PARG: variants seen among roughly 807,000 people sequenced by gnomAD.
The protein encoded by PARG is poly(ADP-ribose) glycohydrolase, also known as mitochondrial poly(ADP-ribose) glycohydrolase.
PARG carries 35 observed loss-of-function variants against 113.0 expected under a neutral mutation model. The ratio of observed to expected loss-of-function variants is 0.31; its 90% CI spans 0.24 to 0.41. The LOEUF is 0.41. Among genes scored for constraint, PARG ranks in the 10% least tolerant of loss-of-function variants. The pLI is 1.00. For missense variants in PARG, 797 were observed against 1,169.4 expected, an observed-to-expected ratio of 0.68 and a Z score of 4.64; for synonymous variants, 330 against 409.9, an observed-to-expected ratio of 0.81 and a Z score of 2.36.
chr10:49,839,076 C>T (rs1327790149), intron 15 of PARG, among the ~76,000 whole-genome samples: 1 of 152,182 alleles, frequency 6.6e-6, no homozygotes, highest in Non-Finnish European at 1.5e-5. Context: ...GTGGCTCACG[C>T]CTGTAATCCC....
At chr10:49,855,142 GA>G (rs1223325370) in intron 13 of PARG, among the ~76,000 whole-genome samples, 1 of 146,198 alleles carries the variant, frequency 6.8e-6, no homozygotes, top group Non-Finnish European at 1.5e-5. Context: ...CTCAAATAGA[GA>G]ATATTAATAA....
chr10:49,832,335 C>T (rs2132399279), intron 16 of PARG, among the ~76,000 whole-genome samples: 1 of 152,344 alleles, frequency 6.6e-6, no homozygotes, highest in East Asian at 1.9e-4. Flanking sequence ...TACTGCCTCT[C>T]TCTCATACAC....
intron 7 of PARG, among the ~76,000 whole-genome samples, chr10:49,890,158 T>TA (rs1554841202): frequency 1.3e-5 from 2 of 152,112 alleles, no homozygotes; most frequent in African/African-American, 2.4e-5. Flanking sequence ...TACATGATGG[T>TA]AAAAAAAGAA....
At chr10:49,892,238 A>C (rs1847843598) in intron 7 of PARG, among the ~76,000 whole-genome samples, 1 of 152,296 alleles carries the variant, frequency 6.6e-6, no homozygotes, top group East Asian at 1.9e-4. Context: ...ATGTTTTTTA[A>C]AATGTCATGT....
intron 4 of PARG, among the ~76,000 whole-genome samples, chr10:49,930,464 C>A (rs1247934976): frequency 5.3e-5 from 8 of 152,138 alleles, no homozygotes; most frequent in Admixed American, 2.0e-4. Flanking sequence ...TGGTTCCTGG[C>A]ACTTGAAGCC....
chr10:49,835,602 A>T (rs1259460666), intron 15 of PARG, among the ~76,000 whole-genome samples: 1 of 152,074 alleles, frequency 6.6e-6, no homozygotes, highest in Non-Finnish European at 1.5e-5. Context: ...ACCAACCAGG[A>T]CATGGTAATG....
At chr10:49,897,472 C>A (rs1471331757) in intron 7 of PARG, among the ~76,000 whole-genome samples, 1 of 152,084 alleles carries the variant, frequency 6.6e-6, no homozygotes, top group Non-Finnish European at 1.5e-5. Context: ...ACACTTACTG[C>A]GGTTATTACA....
At chr10:49,834,822 A>C (rs1174068098) in intron 15 of PARG, among the ~76,000 whole-genome samples, 1 of 152,208 alleles carries the variant, frequency 6.6e-6, no homozygotes, top group Non-Finnish European at 1.5e-5. Flanking sequence ...CCTGGGTGAC[A>C]GTGAACTCTA....
chr10:49,858,364 C>A (rs1588906526), intron 12 of PARG, among the ~76,000 whole-genome samples: 1 of 145,018 alleles, frequency 6.9e-6, no homozygotes, highest in Non-Finnish European at 1.5e-5. Context: ...CACACACACA[C>A]ACACACAACT....
chr10:49,917,484 G>A (rs1414233932), intron 6 of PARG, among the ~76,000 whole-genome samples: 12 of 121,768 alleles, frequency 9.9e-5, no homozygotes, highest in South Asian at 5.4e-4. Context: ...GCGAGACTCC[G>A]TCTCAAAAAA....
chr10:49,849,772 A>C (rs1392886653), intron 13 of PARG, among the ~76,000 whole-genome samples: 1 of 152,018 alleles, frequency 6.6e-6, no homozygotes, highest in East Asian at 1.9e-4. Flanking sequence ...CAGCACTTTG[A>C]GAGGCCGAGG....
intron 13 of PARG, among the ~76,000 whole-genome samples, chr10:49,854,355 T>G (rs1845889721): frequency 6.6e-6 from 1 of 152,146 alleles, no homozygotes; most frequent in Non-Finnish European, 1.5e-5. Context: ...CTTTTGAGGG[T>G]TTGATGAAAA....
chr10:49,830,588 C>T (rs1489144747), intron 16 of PARG, among the ~76,000 whole-genome samples: 1 of 152,136 alleles, frequency 6.6e-6, no homozygotes, highest in Non-Finnish European at 1.5e-5. Flanking sequence ...AGAGTTATTA[C>T]TAGCCAGTGA....
chr10:49,890,272 G>A (rs1847704854), intron 7 of PARG, among the ~76,000 whole-genome samples: 1 of 152,118 alleles, frequency 6.6e-6, no homozygotes, highest in African/African-American at 2.4e-5. Flanking sequence ...GTGCGCGTGT[G>A]TGTGTAGCAA....
At chr10:49,869,316 A>G (rs553342850) in intron 10 of PARG, among the ~76,000 whole-genome samples, 160 bp downstream of exon 10, 2 of 152,326 alleles carry the variant, frequency 1.3e-5, no homozygotes, top group Admixed American at 1.3e-4. Context: ...TATACACAAC[A>G]TAAGCATAAA....
chr10:49,922,214 T>G, intron 6 of PARG, 122 bp downstream of exon 6: 1 of 1,011,436 alleles, frequency 9.9e-7, no homozygotes, highest in South Asian at 1.7e-5. Context: ...CCTTCCTTAG[T>G]GCCAGGAAGC....
At chr10:49,919,230 C>A (rs1251944302) in intron 6 of PARG, among the ~76,000 whole-genome samples, 1 of 152,128 alleles carries the variant, frequency 6.6e-6, no homozygotes, top group African/African-American at 2.4e-5. Flanking sequence ...CTTGAGCCAC[C>A]ACACCTGGCC....
chr10:49,888,464 T>C (rs1319268638), intron 7 of PARG, among the ~76,000 whole-genome samples: 1 of 152,212 alleles, frequency 6.6e-6, no homozygotes, highest in Non-Finnish European at 1.5e-5. Context: ...TGTGGTTTCC[T>C]CTTCCTTTCT....
intron 7 of PARG, among the ~76,000 whole-genome samples, chr10:49,893,862 GTTT>G (rs199778059): frequency 1.3e-5 from 2 of 149,824 alleles, no homozygotes; most frequent in Non-Finnish European, 3.0e-5. Context: ...CCCAGCTAAT[GTTT>G]TTTTTTGTAT....
Sources: gnomAD v4.1 joint callset for allele counts (sites outside exome capture counted in the v4.1 genomes callset) on GRCh38, gnomAD v4.1.1 for gene constraint, MANE v1.5 for transcripts, NCBI Gene and HGNC (gene_info 2026-07-23, HGNC 2026-07-21) for gene names.